The following SH3D19 variants were observed in gnomAD, a reference collection of about 807,000 sequenced individuals.
SH3D19 encodes the protein SH3 domain containing 19, also known as SH3 domain-containing protein 19.
A neutral mutation model predicts 112.1 loss-of-function variants in SH3D19; 58 were observed. That is an observed-to-expected ratio of 0.52 (90% confidence interval 0.42 to 0.64). The LOEUF (loss-of-function observed/expected upper bound fraction) is 0.64, where lower values mean the gene tolerates loss of function less well. Ranked by LOEUF, SH3D19 falls within the 30% of genes least tolerant of loss-of-function variation. The pLI is 0.00. For missense variants in SH3D19, 1,090 were observed against 1,263.4 expected (o/e 0.86, Z 2.08); for synonymous variants, 391 against 448.5 (o/e 0.87, Z 1.62).
chr4:151,205,264 T>G (rs1764939658), intron 2 of SH3D19, among the ~76,000 whole-genome samples: 1 of 152,228 alleles, frequency 6.6e-6, no homozygotes, highest in Non-Finnish European at 1.5e-5. Flanking sequence ...TTGTGCAAGC[T>G]CTCATTCTTC....
chr4:151,254,870 G>C (rs1222252285), intron 1 of SH3D19, among the ~76,000 whole-genome samples: 1 of 151,852 alleles, frequency 6.6e-6, no homozygotes, highest in Non-Finnish European at 1.5e-5. Context: ...GCCGGGCAGA[G>C]GGCTCCTCAC....
At chr4:151,295,812 C>T (rs547252508) in intron 1 of SH3D19, among the ~76,000 whole-genome samples, 46 of 152,000 alleles carry the variant, frequency 3.0e-4, no homozygotes, top group African/African-American at 9.9e-4. Context: ...CTGAGGCGGG[C>T]GGATCACGAG....
At chr4:151,267,166 AAAAAAATAAATAAAAT>A (rs1368453525) in intron 1 of SH3D19, among the ~76,000 whole-genome samples, 1 of 88,560 alleles carries the variant, frequency 1.1e-5, no homozygotes, top group Non-Finnish European at 2.9e-5. Flanking sequence ...CTAAAAAAAA[AAAAAAATAAATAAAAT>A]AAATTAGTCT....
chr4:151,200,342 G>C (rs543951135), intron 2 of SH3D19, among the ~76,000 whole-genome samples: 1 of 152,222 alleles, frequency 6.6e-6, no homozygotes, highest in East Asian at 1.9e-4. Flanking sequence ...GCTGGAGCCA[G>C]CTCATGTGAG....
At chr4:151,210,874 TTTG>T (rs1404114612) in intron 2 of SH3D19, among the ~76,000 whole-genome samples, 1 of 152,064 alleles carries the variant, frequency 6.6e-6, no homozygotes, top group African/African-American at 2.4e-5. Flanking sequence ...AATTTAATTG[TTTG>T]TTGTTGTTTT....
intron 1 of SH3D19, among the ~76,000 whole-genome samples, chr4:151,236,466 G>A (rs1402837508): frequency 6.6e-6 from 1 of 151,720 alleles, no homozygotes; most frequent in African/African-American, 2.4e-5. Flanking sequence ...GTCGGGTGGG[G>A]ACTTGGAGAA....
At chr4:151,227,470 C>G (rs10434137) in intron 1 of SH3D19, among the ~76,000 whole-genome samples, 105,688 of 152,170 alleles carry the variant, frequency 0.69, 41,795 homozygotes, top group Non-Finnish European at 0.89. Context: ...ATTTCTGGTT[C>G]CAATTTTTCT....
In SH3D19 at chr4:151,133,241, A is replaced by G. The variant is rs745867649; in HGVS notation, c.2487-5T>C. On this transcript the variant is annotated splice_region_variant and splice_polypyrimidine_tract_variant and intron_variant, in intron 15 of 19. Coordinates refer to ENST00000604030, the MANE Select transcript of SH3D19 (RefSeq NM_001378122.1). ...CGAGCAACACATCTTGAGCCTCTGA[A>G]TGAAGAACACATTTTGTGGATTAGA... is the stretch of plus-strand genomic sequence containing the variant. The G allele has an allele frequency of 1.1e-5, 17 of 1,613,634 alleles. No homozygotes were observed. In the African/African-American group the frequency reaches 2.0e-4, roughly 19 times the overall value.
At chr4:151,155,440 G>A (rs769933915) in intron 9 of SH3D19, among the ~76,000 whole-genome samples, 1 of 152,182 alleles carries the variant, frequency 6.6e-6, no homozygotes, top group Non-Finnish European at 1.5e-5. Context: ...TTCTTCTCCA[G>A]ATGATTAGGT....
chr4:151,317,794 C>A (rs1274146157), intron 1 of SH3D19, among the ~76,000 whole-genome samples: 1 of 151,730 alleles, frequency 6.6e-6, no homozygotes, highest in Non-Finnish European at 1.5e-5. Context: ...GCCAACTCTG[C>A]AAAACCCTGT....
intron 11 of SH3D19, among the ~76,000 whole-genome samples, chr4:151,145,416 G>A (rs907076723): frequency 2.0e-5 from 3 of 151,976 alleles, no homozygotes; most frequent in Non-Finnish European, 4.4e-5. Context: ...ACCTTGTTAT[G>A]TTCCTCCCCA....
chr4:151,209,644 C>T (rs1242047067), intron 2 of SH3D19, among the ~76,000 whole-genome samples: 1 of 152,158 alleles, frequency 6.6e-6, no homozygotes, highest in Non-Finnish European at 1.5e-5. Flanking sequence ...TGGGCATGAC[C>T]TGAGAGTATT....
At chr4:151,305,105 C>T (rs1728803901) in intron 1 of SH3D19, among the ~76,000 whole-genome samples, 2 of 152,160 alleles carry the variant, frequency 1.3e-5, no homozygotes, top group South Asian at 4.1e-4. Flanking sequence ...AAACAAACAA[C>T]CACAACCATA....
intron 1 of SH3D19, chr4:151,282,291 T>C: frequency 6.2e-7 from 1 of 1,613,982 alleles, no homozygotes; most frequent in African/African-American, 1.3e-5. Context: ...TTGTTGAAAC[T>C]GTCCTCTCAA....
At chr4:151,150,302 T>C (rs528408118) in intron 9 of SH3D19, among the ~76,000 whole-genome samples, 20 of 139,660 alleles carry the variant, frequency 1.4e-4, no homozygotes, top group East Asian at 8.2e-4. Context: ...CATATATATA[T>C]ACACACACAT....
In SH3D19 at chr4:151,254,125, T is replaced by C. The variant is rs542912079; in HGVS notation, c.113-28039A>G. 8.5e-4 allele frequency among the ~76,000 whole-genome samples: 129 copies of C among 152,332 alleles called. 1 individual carries two copies. The highest frequency in any genetic ancestry group is 3.0e-3 in the African/African-American group (126 of 41,574). ...AAGGGAATGAAAACATGCGTTACCC[T>C]CTGTGTGAATGAAAATGTCAGGCAA... On this transcript the variant is annotated intron_variant, in intron 1 of 19. Transcript: ENST00000604030.
chr4:151,261,942 A>G (rs1047088600), intron 1 of SH3D19, among the ~76,000 whole-genome samples: 1 of 152,332 alleles, frequency 6.6e-6, no homozygotes, highest in Admixed American at 6.5e-5. Flanking sequence ...TCCTGACTCA[A>G]ACTAGCTAGG....
intron 9 of SH3D19, among the ~76,000 whole-genome samples, chr4:151,150,683 T>TA (rs1223518700): frequency 1.3e-5 from 2 of 151,956 alleles, no homozygotes; most frequent in African/African-American, 2.4e-5. Flanking sequence ...TGAAGGAGAA[T>TA]AATATGAACA....
rs2149711895 is a variant in SH3D19, at chr4:151,121,427, TC to T, written c.*663del. On this transcript the variant is annotated 3_prime_UTR_variant, in exon 20 of 20. Coordinates refer to ENST00000604030, the MANE Select transcript of SH3D19 (RefSeq NM_001378122.1). ...AAGGCATTTCAGGGATGGTTTTGGT[TC>T]TTTAGACTAAGTAAGATACATCCAA... 2.3e-5 allele frequency: 1 copy of T among 43,608 alleles called. No homozygotes were observed. Among genetic ancestry groups the T allele is most frequent in the African/African-American group, 4.9e-5 (1 of 20,334 alleles). 2.7% of individuals were successfully genotyped at this position (43,608 alleles called of 1,614,324 possible).
Sources: allele counts gnomAD v4.1 joint callset (sites outside exome capture counted in the v4.1 genomes callset), GRCh38; gene constraint gnomAD v4.1.1; transcripts MANE v1.5; gene names NCBI Gene and HGNC (gene_info 2026-07-23, HGNC 2026-07-21).